The following THSD7A variants were observed in gnomAD, a reference collection of about 807,000 sequenced individuals.
THSD7A encodes the protein thrombospondin type 1 domain containing 7A, also known as thrombospondin type-1 domain-containing protein 7A.
In THSD7A, 96 loss-of-function variants were observed where a neutral mutation model predicts 231.3. That is an observed-to-expected ratio of 0.41 (90% CI 0.35 to 0.49). The LOEUF (loss-of-function observed/expected upper bound fraction) is 0.49. Among genes scored for constraint, THSD7A ranks in the 20% least tolerant of loss-of-function variants. The pLI is 0.05. For synonymous variants in THSD7A, 940 were observed against 743.3 expected (o/e 1.26, Z -4.30); for missense variants, 2,290 against 2,070.2 (o/e 1.11, Z -2.06).
In THSD7A at chr7:11,634,422, ACAACT is replaced by A. The variant is rs1412107700; in HGVS notation, c.1022+1703_1022+1707del. On this transcript the variant is annotated intron_variant, in intron 2 of 27. Transcript: ENST00000423059. This position sits in a 1 kb window ranked among gnomAD's most constrained non-coding sequence, Gnocchi z 4.1. Reference sequence around the variant, plus strand: ...CATGCTAACCCAGTGATAGCAGGAAACAACTCAACTTGTCTTGGAGACTCATTCAA... The same window carrying A: ...CATGCTAACCCAGTGATAGCAGGAAACAACTTGTCTTGGAGACTCATTCAA... 2.6e-5 allele frequency among the ~76,000 whole-genome samples: 4 copies of A among 152,332 alleles called. No homozygotes were observed. The highest frequency in any genetic ancestry group is 1.9e-4 in the East Asian group (1 of 5,188).
At chr7:11,456,030 G>T (rs1391540031) in intron 11 of THSD7A, among the ~76,000 whole-genome samples, 3 of 152,032 alleles carry the variant, frequency 2.0e-5, no homozygotes, top group African/African-American at 4.8e-5. Context: ...GGCTAGTAAG[G>T]TGATAAGAAG....
chr7:11,726,335 C>T (rs1781545021), intron 1 of THSD7A, among the ~76,000 whole-genome samples: 1 of 152,000 alleles, frequency 6.6e-6, no homozygotes, highest in African/African-American at 2.4e-5. Context: ...TCATCTACAC[C>T]TTCTACCACA....
At chr7:11,822,587 A>G (rs1784907235) in intron 1 of THSD7A, among the ~76,000 whole-genome samples, 1 of 151,998 alleles carries the variant, frequency 6.6e-6, no homozygotes, top group African/African-American at 2.4e-5. Context: ...GATGGATTGA[A>G]TGGCAGTTCT....
chr7:11,460,134 A>G (rs1215786785), intron 11 of THSD7A, among the ~76,000 whole-genome samples: 2 of 152,170 alleles, frequency 1.3e-5, no homozygotes, highest in East Asian at 3.9e-4. Flanking sequence ...GATTGTAATT[A>G]AGTAAATAAG....
At chr7:11,665,443 T>C (rs1783094523) in intron 1 of THSD7A, among the ~76,000 whole-genome samples, 1 of 152,092 alleles carries the variant, frequency 6.6e-6, no homozygotes, top group African/African-American at 2.4e-5. Flanking sequence ...CTTGGGTTTT[T>C]ATTGTGTCCT....
intron 1 of THSD7A, among the ~76,000 whole-genome samples, chr7:11,732,417 T>C (rs980468254): frequency 6.6e-6 from 1 of 151,886 alleles, no homozygotes; most frequent in Non-Finnish European, 1.5e-5. Context: ...AGTGAAATCA[T>C]GTTAAACATG....
At chr7:11,677,424 C>T (rs182125879) in intron 1 of THSD7A, among the ~76,000 whole-genome samples, 90 of 151,630 alleles carry the variant, frequency 5.9e-4, no homozygotes, top group African/African-American at 2.0e-3. Flanking sequence ...ACAATATTAA[C>T]CTTAAATGTA....
At chr7:11,433,741 C>T (rs927689112) in intron 13 of THSD7A, among the ~76,000 whole-genome samples, 1 of 151,864 alleles carries the variant, frequency 6.6e-6, no homozygotes, top group East Asian at 1.9e-4. Flanking sequence ...CACAGAGTAA[C>T]AGATAAATGG....
intron 1 of THSD7A, among the ~76,000 whole-genome samples, chr7:11,676,614 T>A (rs1035330250): frequency 1.3e-5 from 2 of 151,986 alleles, no homozygotes; most frequent in African/African-American, 4.8e-5. Flanking sequence ...GAGAACTTCA[T>A]GGAGCACACA....
intron 1 of THSD7A, among the ~76,000 whole-genome samples, chr7:11,827,906 C>A (rs563080560): frequency 6.6e-6 from 1 of 152,122 alleles, no homozygotes; most frequent in African/African-American, 2.4e-5. Context: ...ATGATGAAAA[C>A]CTTGATGGCA....
At chr7:11,612,763 C>G (rs1780977119) in intron 2 of THSD7A, among the ~76,000 whole-genome samples, 1 of 152,104 alleles carries the variant, frequency 6.6e-6, no homozygotes, top group Non-Finnish European at 1.5e-5. Flanking sequence ...CTAATGCTAT[C>G]AAACTTTTAT....
At chr7:11,488,489 CCCCTT>C (rs1162561870) in intron 6 of THSD7A, among the ~76,000 whole-genome samples, 1 of 152,054 alleles carries the variant, frequency 6.6e-6, no homozygotes, top group Admixed American at 6.6e-5. Context: ...ATTCTTCACT[CCCCTT>C]CTCAAAATGA....
intron 13 of THSD7A, among the ~76,000 whole-genome samples, chr7:11,437,794 C>T (rs1433812254): frequency 1.3e-5 from 2 of 151,976 alleles, no homozygotes; most frequent in African/African-American, 4.8e-5. Context: ...TAATAATGAA[C>T]CTATATAATC....
At chr7:11,685,506 A>G (rs114321162) in intron 1 of THSD7A, among the ~76,000 whole-genome samples, 1,963 of 152,128 alleles carry the variant, frequency 0.013, 30 homozygotes, top group African/African-American at 0.045. Context: ...AGAGTCTGCA[A>G]GGAACTTAAA....
chr7:11,725,659 T>C (rs546707332), intron 1 of THSD7A, among the ~76,000 whole-genome samples: 2 of 152,200 alleles, frequency 1.3e-5, no homozygotes, highest in African/African-American at 4.8e-5. Flanking sequence ...TATATTGGTA[T>C]ATGTTAAGAT....
At chr7:11,753,521 A>G (rs1782573593) in intron 1 of THSD7A, among the ~76,000 whole-genome samples, 1 of 150,338 alleles carries the variant, frequency 6.7e-6, no homozygotes, top group South Asian at 2.1e-4. Context: ...ATGGGTCCCA[A>G]CACTGCTTAT....
intron 4 of THSD7A, among the ~76,000 whole-genome samples, chr7:11,564,436 G>A (rs1388338601): frequency 6.6e-6 from 1 of 152,210 alleles, no homozygotes; most frequent in Non-Finnish European, 1.5e-5. Context: ...TGAGCGATGG[G>A]TCCTGACTGC....
intron 1 of THSD7A, among the ~76,000 whole-genome samples, chr7:11,680,589 C>T (rs1298478537): frequency 6.6e-6 from 1 of 152,168 alleles, no homozygotes; most frequent in East Asian, 1.9e-4. Flanking sequence ...GGCCAACAAA[C>T]ATATGACAAC....
At chr7:11,821,670 C>T (rs1013638529) in intron 1 of THSD7A, among the ~76,000 whole-genome samples, 1 of 152,084 alleles carries the variant, frequency 6.6e-6, no homozygotes, top group African/African-American at 2.4e-5. Context: ...AATGTGACTC[C>T]TTCTATGTGG....
Sources: allele counts gnomAD v4.1 joint callset (sites outside exome capture counted in the v4.1 genomes callset), GRCh38; gene constraint gnomAD v4.1.1; non-coding constraint Gnocchi (gnomAD v3.1); transcripts MANE v1.5; gene names NCBI Gene and HGNC (gene_info 2026-07-23, HGNC 2026-07-21).